OPCML: variants seen among roughly 807,000 people sequenced by gnomAD.
OPCML encodes opioid-binding protein/cell adhesion molecule.
Under a neutral mutation model 37.8 loss-of-function variants are expected in OPCML, and 13 were observed. That is an observed-to-expected ratio of 0.34 (90% CI 0.22 to 0.55). The LOEUF is 0.55. OPCML is among the 20% of genes least tolerant of loss of function. OPCML has a pLI of 0.91. For missense variants in OPCML, 341 were observed against 435.6 expected (o/e 0.78, Z 1.93); for synonymous variants, 176 against 168.8 (o/e 1.04, Z -0.33).
chr11:132,812,682 T>G (rs1354961551), intron 2 of OPCML, among the ~76,000 whole-genome samples: 2 of 152,234 alleles, frequency 1.3e-5, no homozygotes, highest in African/African-American at 2.4e-5. Context: ...TACATTTAAT[T>G]GCCTGCTCTT....
intron 1 of OPCML, among the ~76,000 whole-genome samples, chr11:133,120,006 C>T (rs976365961): frequency 2.0e-5 from 3 of 152,068 alleles, no homozygotes; most frequent in East Asian, 1.9e-4. Context: ...CTTTTTATGC[C>T]TGTTCACTGC....
intron 1 of OPCML, among the ~76,000 whole-genome samples, chr11:133,081,801 C>T (rs999443298): frequency 6.6e-5 from 10 of 152,278 alleles, no homozygotes; most frequent in Middle Eastern, 3.4e-3. Flanking sequence ...CAGCCCCCGC[C>T]GTTCGAATGG....
In OPCML at chr11:133,057,510, T is replaced by C. The variant is rs544809853; in HGVS notation, c.62-114500A>G. Among the ~76,000 whole-genome samples the C allele has an allele frequency of 1.3e-4, 20 of 152,240 alleles. No homozygotes were observed. In the South Asian group the frequency reaches 4.2e-3, roughly 32 times the overall value. On this transcript the variant is annotated intron_variant, in intron 1 of 7. Transcript: ENST00000524381. Reference sequence around the variant, plus strand: ...CCCTTGCCTTCTGCTTCTGGGTGGGTGTGGCCAGTAGAATTCTCCAGTAGG... The same window carrying C: ...CCCTTGCCTTCTGCTTCTGGGTGGGCGTGGCCAGTAGAATTCTCCAGTAGG...
At chr11:133,483,202 C>T (rs768296831) in intron 1 of OPCML, among the ~76,000 whole-genome samples, 4 of 151,886 alleles carry the variant, frequency 2.6e-5, no homozygotes, top group Non-Finnish European at 5.9e-5. Context: ...AAATGAAATA[C>T]CAGTTTGTAT....
intron 2 of OPCML, among the ~76,000 whole-genome samples, chr11:132,674,597 C>T (rs1478544864): frequency 6.6e-6 from 1 of 152,164 alleles, no homozygotes; most frequent in African/African-American, 2.4e-5. Flanking sequence ...AATTCAAAGA[C>T]AACTTTTGGT....
At chr11:132,646,309 C>T (rs1007587835) in intron 3 of OPCML, among the ~76,000 whole-genome samples, 1 of 152,126 alleles carries the variant, frequency 6.6e-6, no homozygotes, top group African/African-American at 2.4e-5. Flanking sequence ...AAACATTCCT[C>T]CTACCAAAAA....
chr11:132,460,960 G>T (rs75882147), intron 4 of OPCML, among the ~76,000 whole-genome samples: 15,723 of 152,080 alleles, frequency 0.1, 2,309 homozygotes, highest in African/African-American at 0.33. Context: ...AGCATTTCAT[G>T]AATTAAATGC....
At chr11:132,806,389 A>C (rs1939009142) in intron 2 of OPCML, among the ~76,000 whole-genome samples, 1 of 152,198 alleles carries the variant, frequency 6.6e-6, no homozygotes. Flanking sequence ...ATATAAAGAA[A>C]TAGACAAGTT....
chr11:132,998,671 G>A (rs1012176232), intron 1 of OPCML, among the ~76,000 whole-genome samples: 1 of 152,198 alleles, frequency 6.6e-6, no homozygotes, highest in African/African-American at 2.4e-5. Context: ...GACCCCCAAG[G>A]TGAAGGTGGG....
intron 3 of OPCML, among the ~76,000 whole-genome samples, chr11:132,638,186 T>TATATATATATATATATATAGAG (rs71067383): frequency 7.6e-5 from 10 of 131,080 alleles, no homozygotes; most frequent in African/African-American, 2.8e-4. Context: ...TATATATATA[T>TATATATATATATATATATAGAG]ACAGAGAGAG....
intron 1 of OPCML, among the ~76,000 whole-genome samples, chr11:133,390,230 C>A (rs1220615394): frequency 6.6e-6 from 1 of 152,094 alleles, no homozygotes. Context: ...GAGGCCGAGG[C>A]GGACGGATCA....
chr11:132,903,174 T>C (rs1944122711), intron 2 of OPCML, among the ~76,000 whole-genome samples: 2 of 147,584 alleles, frequency 1.4e-5, no homozygotes, highest in African/African-American at 5.4e-5. Context: ...TGTTATGGCA[T>C]TTTTTTCCTA....
rs1940929540 is a variant in OPCML at position 132,835,016 on chromosome 11, G to C, written c.146+107910C>G. On this transcript the variant is annotated intron_variant, in intron 2 of 7. Coordinates refer to ENST00000524381, the MANE Select transcript of OPCML (RefSeq NM_001012393.5). ...AAAAAAAAAAAAAACATGGAAAGGA[G>C]GGGGACCACCAGCTTGCCAGAGCCA... Among the ~76,000 whole-genome samples, 5 of 151,704 alleles carry C rather than the reference G, an allele frequency of 3.3e-5. 1 individual carries two copies. In the South Asian group the frequency reaches 1.0e-3, roughly 32 times the overall value.
chr11:132,490,827 A>G (rs1167823015), intron 4 of OPCML, among the ~76,000 whole-genome samples: 2 of 151,856 alleles, frequency 1.3e-5, no homozygotes, highest in Non-Finnish European at 2.9e-5. Context: ...AAAGAAAAAA[A>G]AAAAAAAGAA....
intron 4 of OPCML, among the ~76,000 whole-genome samples, chr11:132,459,558 GAGAA>G (rs1389234287): frequency 6.7e-6 from 1 of 149,588 alleles, no homozygotes; most frequent in Non-Finnish European, 1.5e-5. Flanking sequence ...GATAGAGAGA[GAGAA>G]AGAGAGAGAG....
intron 1 of OPCML, among the ~76,000 whole-genome samples, chr11:132,954,135 G>GT (rs1191128822): frequency 1.6e-5 from 2 of 127,406 alleles, no homozygotes; most frequent in East Asian, 2.6e-4. Flanking sequence ...TTTTTTGTTT[G>GT]TTTTTTTGTT....
intron 1 of OPCML, among the ~76,000 whole-genome samples, chr11:133,158,208 C>T (rs1267390218): frequency 9.8e-5 from 15 of 152,302 alleles, no homozygotes; most frequent in Admixed American, 9.1e-4. Flanking sequence ...GAAGGTGTGG[C>T]AAGTCCCTTC....
chr11:133,407,621 C>G (rs1053969294), intron 1 of OPCML, among the ~76,000 whole-genome samples: 3 of 152,248 alleles, frequency 2.0e-5, no homozygotes, highest in Non-Finnish European at 2.9e-5. Flanking sequence ...CAAACCCACA[C>G]GTGGGTGGCA....
intron 1 of OPCML, among the ~76,000 whole-genome samples, chr11:133,258,036 T>C (rs965702741): frequency 1.4e-4 from 22 of 152,130 alleles, no homozygotes; most frequent in African/African-American, 5.1e-4. Flanking sequence ...CTGCTGAGAA[T>C]TTCAGGTGGC....
Sources: gnomAD v4.1 joint callset for allele counts (sites outside exome capture counted in the v4.1 genomes callset) on GRCh38, gnomAD v4.1.1 for gene constraint, MANE v1.5 for transcripts, NCBI Gene and HGNC (gene_info 2026-07-23, HGNC 2026-07-21) for gene names.